PTPRD: variants seen among roughly 807,000 people sequenced by gnomAD.
PTPRD encodes receptor-type tyrosine-protein phosphatase delta.
Under a neutral mutation model 214.5 loss-of-function variants are expected in PTPRD, and 34 were observed. The observed-to-expected ratio is 0.16, with a 90% CI of 0.12 to 0.21. The LOEUF (loss-of-function observed/expected upper bound fraction) is 0.21, where lower values mean the gene tolerates loss of function less well. Ranked by LOEUF, PTPRD falls within the 10% of genes least tolerant of loss-of-function variation. The pLI is 1.00. For missense variants in PTPRD, 2,545 were observed against 2,398.7 expected (o/e 1.06, Z -1.27); for synonymous variants, 1,128 against 845.7 (o/e 1.33, Z -5.79).
intron 2 of PTPRD, among the ~76,000 whole-genome samples, chr9:10,413,106 T>C (rs2098453957): frequency 6.6e-6 from 1 of 151,842 alleles, no homozygotes; most frequent in African/African-American, 2.4e-5. Flanking sequence ...TTGAAAGTCA[T>C]AGGAAGAGCA....
intron 12 of PTPRD, among the ~76,000 whole-genome samples, chr9:8,694,529 T>C (rs572289936): frequency 1.3e-5 from 2 of 152,288 alleles, no homozygotes; most frequent in East Asian, 3.9e-4. Flanking sequence ...TATGTTTAGG[T>C]AGGATCTAAA....
At chr9:9,529,033 G>A (rs2154262359) in intron 8 of PTPRD, among the ~76,000 whole-genome samples, 1 of 151,060 alleles carries the variant, frequency 6.6e-6, no homozygotes, top group Middle Eastern at 3.4e-3. Flanking sequence ...CTGCCTCCTG[G>A]GTTCAAGCTC....
Position 9,328,239 on chromosome 9 carries a change from T to C in PTPRD, c.-203+69210A>G, listed in dbSNP as rs145884291. Among the ~76,000 whole-genome samples, 488 of 152,186 alleles carry C rather than the reference T, an allele frequency of 3.2e-3. 1 individual carries two copies. The highest frequency in any genetic ancestry group is 0.011 in the African/African-American group (464 of 41,536). ...AGCTAATAGTAAACAGGGAGAATGG[T>C]AAAGTTTTAAGGAAGAAGAGACACT... is the stretch of plus-strand genomic sequence containing the variant. On this transcript the variant is annotated intron_variant, in intron 9 of 45. Coordinates refer to ENST00000381196, the MANE Select transcript of PTPRD (RefSeq NM_002839.4).
intron 5 of PTPRD, among the ~76,000 whole-genome samples, chr9:9,938,007 G>A (rs577616004): frequency 1.3e-5 from 2 of 152,212 alleles, no homozygotes; most frequent in Middle Eastern, 3.4e-3. Context: ...ACTGGTAATC[G>A]AGGAGTCTTT....
chr9:10,082,382 C>T (rs2098254052), intron 3 of PTPRD, among the ~76,000 whole-genome samples: 2 of 152,058 alleles, frequency 1.3e-5, no homozygotes, highest in Non-Finnish European at 1.5e-5. Context: ...AGCAATCATC[C>T]TACATAAGAG....
At chr9:8,842,829 C>G (rs1191595966) in intron 11 of PTPRD, among the ~76,000 whole-genome samples, 2 of 152,178 alleles carry the variant, frequency 1.3e-5, no homozygotes, top group Non-Finnish European at 2.9e-5. Flanking sequence ...CAAGGGGAGA[C>G]TTTGACGGTG....
intron 32 of PTPRD, among the ~76,000 whole-genome samples, chr9:8,462,533 T>C (rs995179187): frequency 2.0e-5 from 3 of 152,006 alleles, no homozygotes; most frequent in Non-Finnish European, 4.4e-5. Context: ...AATTTTACTT[T>C]AAACTTGCTT....
At chr9:8,507,791 A>G (rs903227443) in intron 21 of PTPRD, among the ~76,000 whole-genome samples, 8 of 152,222 alleles carry the variant, frequency 5.3e-5, no homozygotes, top group Non-Finnish European at 7.3e-5. Flanking sequence ...CAAAAGCATA[A>G]TAAGTACAAA....
At chr9:8,945,042 T>A (rs1348707712) in intron 11 of PTPRD, among the ~76,000 whole-genome samples, 2 of 152,036 alleles carry the variant, frequency 1.3e-5, no homozygotes, top group African/African-American at 2.4e-5. Flanking sequence ...TACTATGTAC[T>A]CATGAAAATT....
intron 9 of PTPRD, among the ~76,000 whole-genome samples, chr9:9,370,294 T>A (rs377430690): frequency 1.3e-5 from 2 of 152,090 alleles, no homozygotes; most frequent in Non-Finnish European, 2.9e-5. Context: ...CCCTGAGCAG[T>A]GGTTTGTAGT....
chr9:9,693,105 C>G (rs1306413789), intron 7 of PTPRD, among the ~76,000 whole-genome samples: 1 of 151,494 alleles, frequency 6.6e-6, no homozygotes, highest in African/African-American at 2.4e-5. Flanking sequence ...TTTGGATGCC[C>G]TTTATTTCTT....
chr9:10,193,576 G>A (rs2099384053), intron 3 of PTPRD, among the ~76,000 whole-genome samples: 1 of 152,082 alleles, frequency 6.6e-6, no homozygotes, highest in Non-Finnish European at 1.5e-5. Flanking sequence ...AGGAATGAGG[G>A]TTGTTCCCAG....
chr9:10,535,862 C>A (rs2057660457), intron 2 of PTPRD, among the ~76,000 whole-genome samples: 1 of 152,066 alleles, frequency 6.6e-6, no homozygotes, highest in African/African-American at 2.4e-5. Context: ...TACCCTTTTA[C>A]CTCTTTATGG....
intron 8 of PTPRD, among the ~76,000 whole-genome samples, chr9:9,506,202 A>C (rs560388133): frequency 6.6e-6 from 1 of 151,496 alleles, no homozygotes; most frequent in South Asian, 2.1e-4. Context: ...GCAGCAACCT[A>C]TATAACTGTC....
intron 2 of PTPRD, among the ~76,000 whole-genome samples, chr9:10,356,366 T>C (rs2097277354): frequency 1.3e-5 from 2 of 152,190 alleles, no homozygotes; most frequent in Non-Finnish European, 2.9e-5. Flanking sequence ...AATAGATATT[T>C]CTCTCAAATT....
At chr9:9,720,825 A>T (rs1306646286) in intron 7 of PTPRD, among the ~76,000 whole-genome samples, 2 of 152,096 alleles carry the variant, frequency 1.3e-5, no homozygotes, top group Non-Finnish European at 2.9e-5. Flanking sequence ...AAAAAGAATG[A>T]TATCATGTCT....
chr9:10,552,529 G>C (rs1361290653), intron 2 of PTPRD, among the ~76,000 whole-genome samples: 1 of 151,824 alleles, frequency 6.6e-6, no homozygotes. Context: ...AAGTTTTTCA[G>C]TTTTTCCTCC....
Position 8,460,591 on chromosome 9 carries a change from A to G in PTPRD, c.3715-20T>C, listed in dbSNP as rs34577174. Reference sequence around the variant, plus strand: ...CATCTTCTGAGGAAAAGCAGAGTCTATTTCAGTTATAAAATAATGACTTTC... The same window carrying G: ...CATCTTCTGAGGAAAAGCAGAGTCTGTTTCAGTTATAAAATAATGACTTTC... On this transcript the variant is annotated intron_variant, in intron 32 of 45. Coordinates refer to ENST00000381196, the MANE Select transcript of PTPRD (RefSeq NM_002839.4). 0.073 allele frequency: 116,200 copies of G among 1,599,620 alleles called. 4,599 individuals are homozygous for G. The highest frequency in any genetic ancestry group is 0.11 in the South Asian group (10,014 of 88,228).
At chr9:9,429,831 G>T (rs543344919) in intron 8 of PTPRD, among the ~76,000 whole-genome samples, 1 of 151,662 alleles carries the variant, frequency 6.6e-6, no homozygotes, top group African/African-American at 2.4e-5. Context: ...TGCAGAAAAG[G>T]CCTTTGACAA....
Sources: gnomAD v4.1 joint callset for allele counts (sites outside exome capture counted in the v4.1 genomes callset) on GRCh38, gnomAD v4.1.1 for gene constraint, MANE v1.5 for transcripts, NCBI Gene and HGNC (gene_info 2026-07-23, HGNC 2026-07-21) for gene names.